ATG7: variants seen among roughly 807,000 people sequenced by gnomAD.
The protein encoded by ATG7 is ubiquitin-like modifier-activating enzyme ATG7.
Under a neutral mutation model 82.4 loss-of-function variants are expected in ATG7, and 70 were observed. That is an observed-to-expected ratio of 0.85 (90% confidence interval 0.70 to 1.04). The LOEUF (loss-of-function observed/expected upper bound fraction) is 1.04. Among genes scored for constraint, ATG7 ranks in the 50% least tolerant of loss-of-function variants. The pLI is 0.00. For missense variants in ATG7, 792 were observed against 864.3 expected, an observed-to-expected ratio of 0.92 and a Z score of 1.05; for synonymous variants, 287 against 313.0, an observed-to-expected ratio of 0.92 and a Z score of 0.88.
chr3:11,418,372 C>A (rs1376647553), intron 19 of ATG7, among the ~76,000 whole-genome samples: 4 of 152,090 alleles, frequency 2.6e-5, no homozygotes, highest in African/African-American at 9.7e-5. Context: ...CTCAGCTCCC[C>A]CAAAGTGCTG....
Position 11,554,945 on chromosome 3 carries a change from C to T in ATG7, c.*102C>T. 1 of 1,422,258 alleles carries T rather than the reference C, an allele frequency of 7.0e-7. No homozygotes were observed. The highest frequency in any genetic ancestry group is 9.5e-7 in the Non-Finnish European group (1 of 1,052,164). 88.1% of individuals were successfully genotyped at this position (1,422,258 alleles called of 1,614,324 possible). On this transcript the variant is annotated 3_prime_UTR_variant, in exon 21 of 21. Coordinates refer to ENST00000693202, the MANE Select transcript of ATG7 (RefSeq NM_001349232.2). ...CCCCAGGCCTGGTGATTCTGGGCCC[C>T]TCCTCCATACCCCGAGGTCTGGGAT...
intron 9 of ATG7, among the ~76,000 whole-genome samples, chr3:11,326,315 T>C (rs939835654): frequency 6.6e-6 from 1 of 152,082 alleles, no homozygotes; most frequent in African/African-American, 2.4e-5. Flanking sequence ...TGTTTTGTTT[T>C]TGAGACAGAG....
intron 18 of ATG7, among the ~76,000 whole-genome samples, chr3:11,365,166 T>C (rs1018572329): frequency 2.0e-5 from 3 of 152,206 alleles, no homozygotes; most frequent in African/African-American, 2.4e-5. Flanking sequence ...GTATGGATTA[T>C]GGATGGTTGC....
intron 20 of ATG7, among the ~76,000 whole-genome samples, chr3:11,543,000 C>T (rs2070960495): frequency 6.6e-6 from 1 of 152,142 alleles, no homozygotes; most frequent in Non-Finnish European, 1.5e-5. Flanking sequence ...CCAGCCCACA[C>T]GTGTGCACAG....
Position 11,298,733 on chromosome 3 carries a change from T to C in ATG7, c.38T>C (p.Leu13Pro). ...AATGDPGLSK[L>P]QFAPFSSALD... ...ACGGGGGATCCTGGACTCTCTAAACTGCAGTTTGCCCCTTTTAGTAGTGCC... is the reference window on the plus strand; with the variant it reads ...ACGGGGGATCCTGGACTCTCTAAACCGCAGTTTGCCCCTTTTAGTAGTGCC... Residue 13 changes from leucine to proline, a missense_variant, in exon 4 of 21, where the codon CTG (leucine) becomes CCG (proline). By Grantham distance (98) the Leu-to-Pro change is moderately conservative. Coordinates refer to ENST00000693202, the MANE Select transcript of ATG7 (RefSeq NM_001349232.2). The C allele has an allele frequency of 1.9e-6, 3 of 1,614,220 alleles. No homozygotes were observed. Among genetic ancestry groups the C allele is most frequent in the Non-Finnish European group, 2.5e-6 (3 of 1,180,034 alleles).
In ATG7 at chr3:11,432,952, G is replaced by A. The variant is rs141545467; in HGVS notation, c.2079+6026G>A. ...CCTTAAAGCTGATGAACCACAGGGT[G>A]TCCAAGTCATGGAGCTATTGAGGTT... On this transcript the variant is annotated intron_variant, in intron 20 of 20. Coordinates refer to ENST00000693202, the MANE Select transcript of ATG7 (RefSeq NM_001349232.2). 8.9e-4 allele frequency among the ~76,000 whole-genome samples: 136 copies of A among 152,204 alleles called. 2 individuals carry two copies. In the East Asian group the frequency reaches 0.022, roughly 24 times the overall value.
At chr3:11,347,844 A>G (rs1240896903) in intron 13 of ATG7, 33 bp from the exon 14 acceptor site, 2 of 1,597,544 alleles carry the variant, frequency 1.3e-6, no homozygotes, top group African/African-American at 1.3e-5. Flanking sequence ...AATGTTCATC[A>G]GAAACACACC....
intron 11 of ATG7, among the ~76,000 whole-genome samples, chr3:11,339,517 T>A (rs915798226): frequency 2.6e-5 from 4 of 151,914 alleles, no homozygotes; most frequent in African/African-American, 9.7e-5. Flanking sequence ...CAGTGGGAAT[T>A]CAATGAGAAA....
chr3:11,554,550 C>T (rs1237335215), intron 20 of ATG7, among the ~76,000 whole-genome samples: 3 of 152,140 alleles, frequency 2.0e-5, no homozygotes, highest in Non-Finnish European at 4.4e-5. Context: ...GGTGGACATG[C>T]AGGAGGTGAG....
chr3:11,300,316 T>C (rs1174628277), intron 5 of ATG7, among the ~76,000 whole-genome samples: 1 of 152,176 alleles, frequency 6.6e-6, no homozygotes, highest in Non-Finnish European at 1.5e-5. Context: ...TTCTCTCTTT[T>C]TTCAGATGAG....
chr3:11,423,461 C>A (rs2082106651), intron 19 of ATG7, among the ~76,000 whole-genome samples: 1 of 152,152 alleles, frequency 6.6e-6, no homozygotes, highest in African/African-American at 2.4e-5. Flanking sequence ...GGGGTTGCCA[C>A]AACTTTCAAT....
chr3:11,415,312 A>C (rs1233690134), intron 19 of ATG7, among the ~76,000 whole-genome samples: 1 of 152,186 alleles, frequency 6.6e-6, no homozygotes, highest in East Asian at 1.9e-4. Context: ...GTGACTGTGA[A>C]GGTCTAGGAC....
chr3:11,559,607 AAC>A (rs932246900), downstream of ATG7: 6 of 1,239,472 alleles, frequency 4.8e-6, no homozygotes, highest in African/African-American at 3.1e-5. Context: ...CCTGTTGCTA[AAC>A]ACAGCCAATC....
In ATG7 at chr3:11,430,954, C is replaced by T. The variant is rs551267254; in HGVS notation, c.2079+4028C>T. ...GAAGGGAAGGGCAAGAAGCCTAGGG[C>T]GTTCTAGACTGAATAAAGGTCTCCG... On this transcript the variant is annotated intron_variant, in intron 20 of 20. Transcript: ENST00000693202. 1.5e-3 allele frequency among the ~76,000 whole-genome samples: 223 copies of T among 152,256 alleles called. 1 individual carries two copies. Among genetic ancestry groups the T allele is most frequent in the Non-Finnish European group, 2.6e-3 (174 of 68,010 alleles).
intron 9 of ATG7, among the ~76,000 whole-genome samples, chr3:11,324,065 A>G (rs1475226096): frequency 1.3e-5 from 2 of 152,220 alleles, no homozygotes; most frequent in Non-Finnish European, 1.5e-5. Context: ...AATGAATTGT[A>G]TGCTCTCAGC....
At chr3:11,454,166 C>T (rs1045657708) in intron 20 of ATG7, among the ~76,000 whole-genome samples, 6 of 152,106 alleles carry the variant, frequency 3.9e-5, no homozygotes, top group African/African-American at 1.4e-4. Flanking sequence ...GGTTTTTCTG[C>T]CTAGGAAAAT....
At chr3:11,297,754 G>C (rs1946178961) in intron 3 of ATG7, among the ~76,000 whole-genome samples, 1 of 152,180 alleles carries the variant, frequency 6.6e-6, no homozygotes, top group African/African-American at 2.4e-5. Context: ...TCAGCTAGAG[G>C]TGTTAAAGCA....
intron 11 of ATG7, among the ~76,000 whole-genome samples, chr3:11,338,821 G>T (rs1286343082): frequency 1.3e-5 from 2 of 152,150 alleles, no homozygotes; most frequent in Non-Finnish European, 2.9e-5. Flanking sequence ...TGGTCCTATG[G>T]TTTCTCATTG....
intron 20 of ATG7, among the ~76,000 whole-genome samples, chr3:11,513,970 C>G (rs576335745): frequency 3.4e-4 from 52 of 152,332 alleles, no homozygotes; most frequent in Non-Finnish European, 6.0e-4. Flanking sequence ...CTCAAGCAGT[C>G]CTCTCACCTC....
Sources: gnomAD v4.1 joint callset for allele counts (sites outside exome capture counted in the v4.1 genomes callset) on GRCh38, gnomAD v4.1.1 for gene constraint, MANE v1.5 for transcripts, NCBI Gene and HGNC (gene_info 2026-07-23, HGNC 2026-07-21) for gene names.